The following NRXN3 variants were observed in gnomAD, a reference collection of about 807,000 sequenced individuals.
The protein encoded by NRXN3 is neurexin III.
Under a neutral mutation model 137.6 loss-of-function variants are expected in NRXN3, and 32 were observed. The observed-to-expected ratio is 0.23, with a 90% CI of 0.18 to 0.31. The LOEUF (loss-of-function observed/expected upper bound fraction) is 0.31. NRXN3 is among the 10% of genes least tolerant of loss of function. The probability of loss-of-function intolerance (pLI) is 1.00; values close to 1 mark genes in which losing one functional copy is unlikely to be tolerated. For missense variants in NRXN3, 1,574 were observed against 2,062.5 expected (o/e 0.76, Z 4.59); for synonymous variants, 798 against 784.5 (o/e 1.02, Z -0.29).
intron 10 of NRXN3, among the ~76,000 whole-genome samples, chr14:78,907,950 T>C (rs2099223566): frequency 6.6e-6 from 1 of 152,078 alleles, no homozygotes; most frequent in South Asian, 2.1e-4. Context: ...GCTCCACCCA[T>C]GTCCCTGCAA....
At chr14:78,628,505 G>A (rs1392654988) in intron 4 of NRXN3, among the ~76,000 whole-genome samples, 1 of 152,196 alleles carries the variant, frequency 6.6e-6, no homozygotes, top group East Asian at 1.9e-4. Context: ...CATGACAAGT[G>A]TTCTCAATAA....
At chr14:78,332,005 T>G (rs1597411309) in intron 4 of NRXN3, among the ~76,000 whole-genome samples, 2 of 152,236 alleles carry the variant, frequency 1.3e-5, no homozygotes, top group East Asian at 3.9e-4. Flanking sequence ...AACCATGAAC[T>G]TCAGAGCTCA....
chr14:79,261,681 A>G (rs151203238), intron 15 of NRXN3, among the ~76,000 whole-genome samples: 196 of 149,416 alleles, frequency 1.3e-3, no homozygotes, highest in African/African-American at 4.6e-3. Flanking sequence ...ATGCCTACAG[A>G]ATACAGGGGG....
intron 15 of NRXN3, among the ~76,000 whole-genome samples, chr14:79,066,314 T>A (rs115141753): frequency 1.3e-5 from 2 of 152,164 alleles, no homozygotes; most frequent in Admixed American, 1.3e-4. Flanking sequence ...TGCGGTCTTA[T>A]GTCTGAGTTC....
At chr14:78,993,478 T>G (rs2099523066) in intron 15 of NRXN3, among the ~76,000 whole-genome samples, 1 of 152,226 alleles carries the variant, frequency 6.6e-6, no homozygotes, top group Non-Finnish European at 1.5e-5. Flanking sequence ...ATGTTTTTGG[T>G]TATGTGTTCA....
At chr14:78,172,313 C>T (rs890284848) in intron 1 of NRXN3, among the ~76,000 whole-genome samples, 1 of 152,072 alleles carries the variant, frequency 6.6e-6, no homozygotes, top group Non-Finnish European at 1.5e-5. Context: ...ATTAATTTGC[C>T]GTTCTGGGTA....
chr14:78,255,501 G>C (rs757502999), intron 2 of NRXN3, among the ~76,000 whole-genome samples: 6 of 152,174 alleles, frequency 3.9e-5, no homozygotes, highest in Non-Finnish European at 8.8e-5. Flanking sequence ...TTTTTTCCTC[G>C]TGTAGAATAT....
intron 19 of NRXN3, among the ~76,000 whole-genome samples, chr14:79,710,349 TTAAAAAAAAA>T (rs1471190718): frequency 1.3e-5 from 2 of 151,982 alleles, no homozygotes; most frequent in African/African-American, 4.8e-5. Flanking sequence ...AAGGGCTACT[TTAAAAAAAAA>T]TAATAAAAAT....
At chr14:79,035,728 C>T (rs898420827) in intron 15 of NRXN3, among the ~76,000 whole-genome samples, 1 of 152,056 alleles carries the variant, frequency 6.6e-6, no homozygotes, top group Non-Finnish European at 1.5e-5. Flanking sequence ...AGCCCAGAGG[C>T]ATTCACCCAA....
intron 19 of NRXN3, among the ~76,000 whole-genome samples, chr14:79,720,304 T>C (rs2098840101): frequency 6.6e-6 from 1 of 152,116 alleles, no homozygotes. Context: ...GATTCAGTTA[T>C]CTCCTCCTTA....
rs374886965 is a variant in NRXN3, at chr14:79,450,093, C to G, written c.3263-17128C>G. Among the ~76,000 whole-genome samples, 14 of 151,382 alleles carry G rather than the reference C, an allele frequency of 9.2e-5. No individual in the cohort carries two copies. In the South Asian group the frequency reaches 1.3e-3, roughly 14 times the overall value. On this transcript the variant is annotated intron_variant, in intron 15 of 20. Coordinates refer to ENST00000335750, the MANE Select transcript of NRXN3 (RefSeq NM_001330195.2). Reference sequence around the variant, plus strand: ...ACATATTCTCTTTCTCTCTCTCCCTCTCTCCACACATACTCACTCCCTCTC... The same window carrying G: ...ACATATTCTCTTTCTCTCTCTCCCTGTCTCCACACATACTCACTCCCTCTC...
At chr14:78,653,479 G>C (rs551576130) in intron 6 of NRXN3, among the ~76,000 whole-genome samples, 73 of 152,218 alleles carry the variant, frequency 4.8e-4, no homozygotes, top group Middle Eastern at 3.4e-3. Flanking sequence ...TGAGCATGGA[G>C]TCTCTCCAGG....
At chr14:79,200,830 T>C (rs2065883586) in intron 15 of NRXN3, among the ~76,000 whole-genome samples, 1 of 9,370 alleles carries the variant, frequency 1.1e-4, no homozygotes. Flanking sequence ...TGAGCTGTAT[T>C]TTTTTTTTTT....
At chr14:79,380,493 C>T (rs1174628791) in intron 15 of NRXN3, among the ~76,000 whole-genome samples, 1 of 151,926 alleles carries the variant, frequency 6.6e-6, no homozygotes. Flanking sequence ...TGATGATTTC[C>T]AATTTCATCC....
rs117672112 is a variant in NRXN3, at chr14:78,660,510, C to T, written c.1221+9184C>T. Among the ~76,000 whole-genome samples the T allele has an allele frequency of 4.0e-3, 613 of 152,116 alleles. 9 individuals carry two copies. Among genetic ancestry groups the T allele is most frequent in the Non-Finnish European group, 5.2e-3 (352 of 67,998 alleles). On this transcript the variant is annotated intron_variant, in intron 6 of 20. Coordinates refer to ENST00000335750, the MANE Select transcript of NRXN3 (RefSeq NM_001330195.2). ...AATTTGGATCCATAACATACAGGCT[C>T]AGAAGTTTTGTCTATATGTTGTAGG...
intron 15 of NRXN3, among the ~76,000 whole-genome samples, chr14:79,232,553 C>T (rs778356595): frequency 1.3e-5 from 2 of 152,040 alleles, no homozygotes; most frequent in Non-Finnish European, 2.9e-5. Flanking sequence ...ATTAGAGTAC[C>T]ATCTCTTCCT....
chr14:79,332,538 A>T (rs1165773627), intron 15 of NRXN3, among the ~76,000 whole-genome samples: 1 of 152,230 alleles, frequency 6.6e-6, no homozygotes, highest in Admixed American at 6.5e-5. Flanking sequence ...CTTACAAATA[A>T]GTTGATTGAT....
chr14:78,842,646 T>G (rs2099015724), intron 10 of NRXN3, among the ~76,000 whole-genome samples: 1 of 152,088 alleles, frequency 6.6e-6, no homozygotes, highest in African/African-American at 2.4e-5. Flanking sequence ...GGGAATTTCC[T>G]CATCCTAATA....
intron 4 of NRXN3, among the ~76,000 whole-genome samples, chr14:78,537,020 G>T (rs1318910008): frequency 2.0e-5 from 3 of 152,188 alleles, no homozygotes; most frequent in East Asian, 3.9e-4. Context: ...TGGACATTTG[G>T]GTTGGTTCCA....
Sources: allele counts gnomAD v4.1 joint callset (sites outside exome capture counted in the v4.1 genomes callset), GRCh38; gene constraint gnomAD v4.1.1; transcripts MANE v1.5; gene names NCBI Gene and HGNC (gene_info 2026-07-23, HGNC 2026-07-21).